Variants in PARVB observed in about 807,000 individuals in gnomAD.
The protein encoded by PARVB is parvin beta.
In PARVB, 46 loss-of-function variants were observed where a neutral mutation model predicts 47.0. The observed-to-expected ratio is 0.98, with a 90% confidence interval of 0.77 to 1.25. PARVB has a LOEUF of 1.25. Among genes scored for constraint, PARVB ranks in the 50% most tolerant of loss-of-function variants. PARVB has a pLI of 0.00. For synonymous variants in PARVB, 196 were observed against 196.3 expected, an observed-to-expected ratio of 1.00 and a Z score of 0.01; for missense variants, 473 against 471.6, an observed-to-expected ratio of 1.00 and a Z score of -0.03.
chr22:44,162,949 A>T (rs1265051622), intron 11 of PARVB: 1 of 152,250 alleles, frequency 6.6e-6, no homozygotes, highest in Non-Finnish European at 1.5e-5. Flanking sequence ...AACAGGACCA[A>T]GGTCCTGCAG....
intron 10 of PARVB, among the ~76,000 whole-genome samples, chr22:44,156,774 A>G (rs559934308): frequency 2.6e-5 from 4 of 152,354 alleles, no homozygotes; most frequent in African/African-American, 7.2e-5. Flanking sequence ...GCGAGACACA[A>G]AAGATAAATG....
At chr22:44,106,879 T>G (rs953080400) in intron 3 of PARVB, 2 of 152,186 alleles carry the variant, frequency 1.3e-5, no homozygotes, top group African/African-American at 4.8e-5. Context: ...AACTTGTCTC[T>G]GAGCATTGAT....
At position 44,172,589 on chromosome 22, in the gene PARVB, C is replaced by T. The variant is rs544897131; in HGVS notation, c.*3911C>T. 3.1e-4 allele frequency: 64 copies of T among 207,978 alleles called. No homozygotes were observed. The highest frequency in any genetic ancestry group is 4.5e-4 in the Non-Finnish European group (45 of 100,282). The allele number at this position is 207,978 out of a possible 1,614,324, so 12.9% of individuals were successfully genotyped here. ...ACGCCCACACAGTGTTATGCAAGCA[C>T]CGAGCCCAGAGTCCCGCTGGGCCGT... On this transcript the variant is annotated 3_prime_UTR_variant, in exon 13 of 13. Coordinates refer to ENST00000338758, the MANE Select transcript of PARVB (RefSeq NM_013327.5).
intron 2 of PARVB, among the ~76,000 whole-genome samples, chr22:44,003,112 C>T (rs751262265): frequency 2.6e-5 from 4 of 152,160 alleles, no homozygotes; most frequent in Non-Finnish European, 4.4e-5. Context: ...ATGGATGAAG[C>T]ATTCCCTACA....
chr22:44,011,696 C>G (rs560797030), intron 2 of PARVB, among the ~76,000 whole-genome samples: 1 of 152,222 alleles, frequency 6.6e-6, no homozygotes, highest in Non-Finnish European at 1.5e-5. Context: ...CCCTTACACA[C>G]CCCTGCCGTA....
intron 12 of PARVB, among the ~76,000 whole-genome samples, chr22:44,164,415 C>CCGA (rs1555913792): frequency 2.2e-5 from 3 of 139,178 alleles, no homozygotes; most frequent in Non-Finnish European, 4.9e-5. Context: ...CCTGTCCCCC[C>CCGA]CCCGGCTCCT....
chr22:44,111,250 C>G (rs550838392), intron 3 of PARVB: 1 of 151,960 alleles, frequency 6.6e-6, no homozygotes, highest in Non-Finnish European at 1.5e-5. Context: ...ATTTTCCTTT[C>G]TGAATGAAGA....
At chr22:44,132,772 C>T (rs1327703233) in intron 5 of PARVB, 122 bp from the exon 6 acceptor site, 8 of 625,266 alleles carry the variant, frequency 1.3e-5, no homozygotes, top group Admixed American at 8.6e-5. Flanking sequence ...GTCCACACTT[C>T]GCTCCATCCT....
At position 44,086,870 on chromosome 22, in the gene PARVB, AG is replaced by A. The variant is rs1293987966; in HGVS notation, c.113-7056del. ...ATAGAAAGCTGTCATTTCCTGGCAGAGGCCTGGAAAACCTCATTTAACAGAG... is the reference window on the plus strand; with the variant it reads ...ATAGAAAGCTGTCATTTCCTGGCAGAGCCTGGAAAACCTCATTTAACAGAG... On this transcript the variant is annotated intron_variant, in intron 1 of 12. Coordinates refer to ENST00000338758, the MANE Select transcript of PARVB (RefSeq NM_013327.5). The A allele has an allele frequency of 7.2e-6, 7 of 975,866 alleles. No individual in the cohort carries two copies. In the African/African-American group the frequency reaches 1.1e-4, roughly 15 times the overall value. The allele number at this position is 975,866 out of a possible 1,614,324, so 60.5% of individuals were successfully genotyped here.
chr22:44,022,057 A>G (rs913666971), upstream of PARVB, among the ~76,000 whole-genome samples: 3 of 151,866 alleles, frequency 2.0e-5, no homozygotes, highest in African/African-American at 7.3e-5. Context: ...ATTACAGCCC[A>G]CTCTGGTGAC....
intron 3 of PARVB, chr22:44,115,906 T>A (rs1196237468): frequency 2.6e-5 from 4 of 151,540 alleles, no homozygotes; most frequent in African/African-American, 9.7e-5. Context: ...ACTAAGGCCC[T>A]GCACCAACAC....
At chr22:44,086,422 C>T (rs1282282588) in intron 1 of PARVB, among the ~76,000 whole-genome samples, 3 of 152,200 alleles carry the variant, frequency 2.0e-5, no homozygotes, top group Admixed American at 6.5e-5. Context: ...GTTATTCCTC[C>T]GATTTGTAAT....
At chr22:44,077,876 T>G (rs1301092857) in intron 1 of PARVB, among the ~76,000 whole-genome samples, 2 of 152,108 alleles carry the variant, frequency 1.3e-5, no homozygotes, top group Non-Finnish European at 2.9e-5. Context: ...TTTTGTGTTT[T>G]TAGTTGAGAC....
intron 8 of PARVB, chr22:44,142,405 A>T (rs998815511): frequency 1.6e-5 from 2 of 124,562 alleles, no homozygotes; most frequent in Non-Finnish European, 3.3e-5. Flanking sequence ...AAAAAAAAAA[A>T]AAAAAAAAAG....
rs889219382 is a variant in PARVB, at chr22:44,103,644, C to T, written c.273+3521C>T. ...GTTAGTGACCTTGCAATGAGGAGGT[C>T]ATCCTGGATGATCCAGGCGGGCCCA... is the stretch of plus-strand genomic sequence containing the variant. On this transcript the variant is annotated intron_variant, in intron 3 of 12. Transcript: ENST00000338758. The surrounding 1 kb of genome is among the most constrained non-coding windows in gnomAD (Gnocchi z 4.6). 6.6e-6 allele frequency: 1 copy of T among 152,220 alleles called. No individual in the cohort carries two copies. The highest frequency in any genetic ancestry group is 1.9e-4 in the East Asian group (1 of 5,188). The allele number at this position is 152,220 out of a possible 1,614,324, so 9.4% of individuals were successfully genotyped here.
intron 1 of PARVB, among the ~76,000 whole-genome samples, chr22:44,069,671 G>A (rs2146975469): frequency 6.6e-6 from 1 of 152,280 alleles, no homozygotes; most frequent in Non-Finnish European, 1.5e-5. Flanking sequence ...TGGGATTACA[G>A]GCTCCCGCCA....
intron 4 of PARVB, among the ~76,000 whole-genome samples, chr22:44,129,717 G>A (rs2053268640): frequency 1.3e-5 from 2 of 152,356 alleles, no homozygotes; most frequent in South Asian, 2.1e-4. Context: ...GAAATCAGAT[G>A]AATAAGCGGG....
intron 2 of PARVB, among the ~76,000 whole-genome samples, chr22:44,003,616 G>A (rs1345289051): frequency 6.6e-6 from 1 of 152,160 alleles, no homozygotes; most frequent in Admixed American, 6.5e-5. Flanking sequence ...CCAGGCCAGG[G>A]TCCTAGCCTT....
chr22:44,138,610 C>T (rs1012481016), intron 7 of PARVB, among the ~76,000 whole-genome samples: 49 of 152,232 alleles, frequency 3.2e-4, no homozygotes, highest in African/African-American at 1.1e-3. Flanking sequence ...GATCCACATT[C>T]AGTTTCCTAA....
Sources: allele counts gnomAD v4.1 joint callset (sites outside exome capture counted in the v4.1 genomes callset), GRCh38; gene constraint gnomAD v4.1.1; non-coding constraint Gnocchi (gnomAD v3.1); transcripts MANE v1.5; gene names NCBI Gene and HGNC (gene_info 2026-07-23, HGNC 2026-07-21).